ITIH5: variants seen among roughly 807,000 people sequenced by gnomAD.
ITIH5 encodes the protein inter-alpha-trypsin inhibitor heavy chain 5, also known as inter-alpha-trypsin inhibitor heavy chain H5.
In ITIH5, 65 loss-of-function variants were observed where a neutral mutation model predicts 77.5. The ratio of observed to expected loss-of-function variants is 0.84; its 90% CI spans 0.69 to 1.03. The LOEUF (loss-of-function observed/expected upper bound fraction) is 1.03. ITIH5 is among the 50% of genes least tolerant of loss of function. ITIH5 has a pLI of 0.00. For missense variants in ITIH5, 1,208 were observed against 1,213.1 expected, an observed-to-expected ratio of 1.00 and a Z score of 0.06; for synonymous variants, 525 against 494.3, an observed-to-expected ratio of 1.06 and a Z score of -0.82.
intron 1 of ITIH5, among the ~76,000 whole-genome samples, chr10:7,659,678 A>C (rs1834244961): frequency 6.6e-6 from 1 of 152,206 alleles, no homozygotes. Flanking sequence ...GAAAATAAGC[A>C]TGCTTCAAGG....
chr10:7,644,666 T>TATATATC (rs1833962477), intron 2 of ITIH5, among the ~76,000 whole-genome samples: 1 of 136,822 alleles, frequency 7.3e-6, no homozygotes, highest in Admixed American at 7.7e-5. Context: ...ATATATATCA[T>TATATATC]ATATATCACA....
At position 7,579,797 on chromosome 10, in the gene ITIH5, C is replaced by T. The variant is rs370892702; in HGVS notation, c.1376G>A (p.Arg459Gln). The T allele has an allele frequency of 2.1e-5, 34 of 1,614,024 alleles. No homozygotes were observed. Among genetic ancestry groups the T allele is most frequent in the Non-Finnish European group, 2.5e-5 (30 of 1,180,040 alleles). The change falls in exon 9 of 14, where the codon CGG becomes CAG. Residue 459 changes from arginine to glutamine, a missense_variant. Physicochemically the swap from Arg to Gln is conservative, Grantham distance 43. Transcript: ENST00000397146. ...TGCGTCCTCCTCCTCGTGCACGCGC[C>T]GTGTGAGGCCACAGTTCTCCAGCGA... ...KLSLENCGLT[R>Q]RVHEEEDAGS...
At chr10:7,624,082 C>G (rs979063731) in intron 5 of ITIH5, among the ~76,000 whole-genome samples, 1 of 152,168 alleles carries the variant, frequency 6.6e-6, no homozygotes, top group African/African-American at 2.4e-5. Context: ...AATGCTCTTC[C>G]TTCCTAAAAT....
At chr10:7,654,657 A>C (rs948674505) in intron 2 of ITIH5, among the ~76,000 whole-genome samples, 1 of 152,242 alleles carries the variant, frequency 6.6e-6, no homozygotes, top group Non-Finnish European at 1.5e-5. Flanking sequence ...GGGGAATGGC[A>C]CACATGCTTT....
rs1229630583 is a variant in ITIH5 at position 7,587,510 on chromosome 10, C to T, written c.940-1441G>A. 6.6e-5 allele frequency among the ~76,000 whole-genome samples: 10 copies of T among 152,354 alleles called. No individual in the cohort carries two copies. In the South Asian group the frequency reaches 1.4e-3, roughly 22 times the overall value. On this transcript the variant is annotated intron_variant, in intron 7 of 13. Transcript: ENST00000397146. ...GAGGCTGGGTTCATCCCCGACTCTCCGTGGGGCCCTGGGGCCCTGAGCAGT... is the reference window on the plus strand; with the variant it reads ...GAGGCTGGGTTCATCCCCGACTCTCTGTGGGGCCCTGGGGCCCTGAGCAGT...
At chr10:7,662,471 T>C (rs1180851303) in intron 1 of ITIH5, among the ~76,000 whole-genome samples, 1 of 152,064 alleles carries the variant, frequency 6.6e-6, no homozygotes, top group Non-Finnish European at 1.5e-5. Context: ...AAAGCTCAGG[T>C]CTTCATCCTC....
intron 5 of ITIH5, among the ~76,000 whole-genome samples, chr10:7,624,818 T>C (rs1588408792): frequency 1.5e-5 from 2 of 134,670 alleles, no homozygotes; most frequent in African/African-American, 2.8e-5. Flanking sequence ...TATATACACA[T>C]ATATATGTGT....
intron 1 of ITIH5, among the ~76,000 whole-genome samples, chr10:7,657,834 G>T (rs112073576): frequency 0.035 from 5,279 of 152,284 alleles, 137 homozygotes; most frequent in Non-Finnish European, 0.051. Flanking sequence ...TCCCAGAACT[G>T]CCTTTTCTTC....
intron 7 of ITIH5, among the ~76,000 whole-genome samples, chr10:7,610,712 T>C (rs1324947000): frequency 1.3e-5 from 2 of 152,232 alleles, no homozygotes; most frequent in Non-Finnish European, 1.5e-5. Flanking sequence ...CACTTAGTAC[T>C]GTGGCCTTGG....
At chr10:7,616,409 A>G (rs1453961313) in intron 6 of ITIH5, among the ~76,000 whole-genome samples, 1 of 152,016 alleles carries the variant, frequency 6.6e-6, no homozygotes, top group African/African-American at 2.4e-5. Flanking sequence ...TTTTTTTACC[A>G]AGCATCTTAC....
At chr10:7,580,271 C>T (rs1166661488) in intron 8 of ITIH5, among the ~76,000 whole-genome samples, 1 of 152,328 alleles carries the variant, frequency 6.6e-6, no homozygotes, top group South Asian at 2.1e-4. Context: ...CAGGTGCACA[C>T]CACCACATCT....
intron 7 of ITIH5, among the ~76,000 whole-genome samples, chr10:7,613,441 TAAGGGACTCCA>T (rs71383928): frequency 0.57 from 86,506 of 151,476 alleles, 25,535 homozygotes; most frequent in Non-Finnish European, 0.66. Context: ...ACTTGAGCCC[TAAGGGACTCCA>T]AAGTTTGGAT....
At chr10:7,644,317 T>G (rs1418087040) in intron 2 of ITIH5, among the ~76,000 whole-genome samples, 1 of 148,370 alleles carries the variant, frequency 6.7e-6, no homozygotes, top group African/African-American at 2.5e-5. Flanking sequence ...CACATATATA[T>G]CATACATATC....
At chr10:7,665,747 G>T (rs1834351521) in intron 1 of ITIH5, among the ~76,000 whole-genome samples, 9 of 152,216 alleles carry the variant, frequency 5.9e-5, no homozygotes, top group Admixed American at 5.9e-4. Context: ...GGCTTGCCCG[G>T]AACACACAAC....
rs774850304 is a variant in ITIH5 at position 7,576,668 on chromosome 10, G to C, written c.1763C>G (p.Ser588Cys). 7 of 1,614,048 alleles carry C rather than the reference G, an allele frequency of 4.3e-6. No individual in the cohort carries two copies. The South Asian group carries it at 6.6e-5, about 15-fold the overall frequency. Residue 588 changes from serine to cysteine, a missense_variant, in exon 10 of 14, where the codon TCC becomes TGC. Coordinates refer to ENST00000397146, the MANE Select transcript of ITIH5 (RefSeq NM_030569.7). The stretch of plus-strand genomic sequence containing the variant: ...CGGTTCATCGTCACTTTGCAGCCAG[G>C]AGCTCAGCAGCTCCTTTGTGGTGAG... ...SYLTTKELLS[S>C]WLQSDDEPEK...
At chr10:7,644,695 CAT>C (rs1254213721) in intron 2 of ITIH5, among the ~76,000 whole-genome samples, 1 of 113,798 alleles carries the variant, frequency 8.8e-6, no homozygotes, top group African/African-American at 4.0e-5. Context: ...ATATATATCA[CAT>C]ATCTATATCA....
intron 7 of ITIH5, chr10:7,600,464 ACCCAGCCCTG>A (rs142445714): frequency 0.01 from 4,732 of 452,790 alleles, 194 homozygotes; most frequent in African/African-American, 0.085. Flanking sequence ...GCTGCCATCA[ACCCAGCCCTG>A]CCCAGCCCAC....
chr10:7,639,623 A>T (rs551903720), intron 4 of ITIH5, among the ~76,000 whole-genome samples: 98 of 152,338 alleles, frequency 6.4e-4, no homozygotes, highest in Non-Finnish European at 1.2e-3. Context: ...CATTTTATCT[A>T]GATACAAAGA....
chr10:7,584,371 T>C (rs1462512335), intron 8 of ITIH5, among the ~76,000 whole-genome samples: 3 of 151,668 alleles, frequency 2.0e-5, no homozygotes, highest in Non-Finnish European at 4.4e-5. Flanking sequence ...TGGCATGATC[T>C]TGGCTCACTG....
Sources: allele counts gnomAD v4.1 joint callset (sites outside exome capture counted in the v4.1 genomes callset), GRCh38; gene constraint gnomAD v4.1.1; transcripts MANE v1.5; gene names NCBI Gene and HGNC (gene_info 2026-07-23, HGNC 2026-07-21).